The following ARL13B variants were observed in gnomAD, a reference collection of about 807,000 sequenced individuals.
The protein encoded by ARL13B is ADP-ribosylation factor-like protein 13B.
In ARL13B, 36 loss-of-function variants were observed where a neutral mutation model predicts 56.1. The ratio of observed to expected loss-of-function variants is 0.64; its 90% CI spans 0.49 to 0.85. The LOEUF (loss-of-function observed/expected upper bound fraction) is 0.85. Ranked by LOEUF, ARL13B falls within the 40% of genes least tolerant of loss-of-function variation. The probability of loss-of-function intolerance (pLI) is 0.00; values close to 1 mark genes in which losing one functional copy is unlikely to be tolerated. For missense variants in ARL13B, 519 were observed against 507.1 expected, an observed-to-expected ratio of 1.02 and a Z score of -0.23; for synonymous variants, 178 against 171.1, an observed-to-expected ratio of 1.04 and a Z score of -0.32.
At chr3:93,990,363 A>G (rs2075850388) in intron 1 of ARL13B, among the ~76,000 whole-genome samples, 1 of 152,040 alleles carries the variant, frequency 6.6e-6, no homozygotes, top group South Asian at 2.1e-4. Context: ...TCAAATTTTT[A>G]ATTTTTTTTT....
At chr3:94,014,417 A>C in intron 3 of ARL13B, 1 of 1,563,496 alleles carries the variant, frequency 6.4e-7, no homozygotes, top group Non-Finnish European at 8.6e-7. Flanking sequence ...CAGCACCAAC[A>C]ACACAGTACT....
At chr3:94,029,356 T>TTA (rs1559997987) in intron 3 of ARL13B, among the ~76,000 whole-genome samples, 5 of 135,350 alleles carry the variant, frequency 3.7e-5, no homozygotes, top group Admixed American at 7.6e-5. Context: ...TTTATTTTTT[T>TTA]TTTTTTTTGA....
At chr3:94,039,344 C>CA (rs1439753242) in intron 5 of ARL13B, among the ~76,000 whole-genome samples, 4 of 151,728 alleles carry the variant, frequency 2.6e-5, no homozygotes, top group Non-Finnish European at 4.4e-5. Flanking sequence ...ACTAAAAATA[C>CA]AAAAAATTAG....
chr3:94,043,146 A>G lies in ARL13B; in HGVS notation c.930A>G (p.Lys310=). 1 of 1,613,782 alleles carries G rather than the reference A, an allele frequency of 6.2e-7. No homozygotes were observed. Among genetic ancestry groups the G allele is most frequent in the Middle Eastern group, 1.7e-4 (1 of 6,058 alleles). ...TQGQVNHNGQ[K]NNEFGLVENY... ...GCCAGGTTAATCACAATGGCCAAAA[A>G]AATAATGAATTTGGACTAGTAGAAA... The change falls in exon 7 of 10, where the codon AAA becomes AAG. Residue 310 remains lysine, a synonymous_variant. Coordinates refer to ENST00000394222, the MANE Select transcript of ARL13B (RefSeq NM_001174150.2).
intron 1 of ARL13B, among the ~76,000 whole-genome samples, chr3:93,993,419 A>G (rs538278384): frequency 2.6e-5 from 4 of 152,082 alleles, no homozygotes; most frequent in African/African-American, 9.6e-5. Context: ...GAGCCACCAC[A>G]CTTGGCCTGT....
intron 1 of ARL13B, among the ~76,000 whole-genome samples, chr3:93,981,076 A>G (rs1710191290): frequency 6.6e-6 from 1 of 152,236 alleles, no homozygotes; most frequent in South Asian, 2.1e-4. Context: ...TCCAATTTTT[A>G]TACGGTCTCT....
rs1398302173 is a variant in ARL13B at position 94,050,901 on chromosome 3, A to G, written c.1210+9A>G. 1 of 1,612,316 alleles carries G rather than the reference A, an allele frequency of 6.2e-7. No individual in the cohort carries two copies. Among genetic ancestry groups the G allele is most frequent in the South Asian group, 1.1e-5 (1 of 91,052 alleles). The stretch of plus-strand genomic sequence containing the variant: ...TGAAACACATCATAATGGTAATGCA[A>G]AAGGATTGGTTTTCAGATATCATCT... On this transcript the variant is annotated intron_variant, in intron 9 of 9. Coordinates refer to ENST00000394222, the MANE Select transcript of ARL13B (RefSeq NM_001174150.2).
chr3:94,049,605 C>A, intron 8 of ARL13B, 83 bp downstream of exon 8: 2 of 1,007,220 alleles, frequency 2.0e-6, no homozygotes, highest in Middle Eastern at 2.2e-4. Context: ...GGAATCTTGT[C>A]ATTTTTATTC....
chr3:94,036,623 G>A lies in ARL13B; in HGVS notation c.558G>A (p.Leu186=). 1.2e-6 allele frequency: 2 copies of A among 1,614,112 alleles called. No individual in the cohort carries two copies. The highest frequency in any genetic ancestry group is 1.7e-6 in the Non-Finnish European group (2 of 1,180,030). ...DKSIKKGLYW[L]LHVIARDFDA... ...CCATTAAAAAAGGCCTTTATTGGCT[G>A]CTACATGTTATTGCAAGAGACTTTG... is the stretch of plus-strand genomic sequence containing the variant. Residue 186 remains leucine (L), a synonymous_variant, in exon 5 of 10, where the codon CTG becomes CTA. Transcript: ENST00000394222.
chr3:94,027,952 C>T (rs1044421322), intron 3 of ARL13B, among the ~76,000 whole-genome samples: 4 of 151,972 alleles, frequency 2.6e-5, no homozygotes, highest in East Asian at 1.9e-4. Context: ...TAAGGTTATA[C>T]GTATGTGTCA....
intron 9 of ARL13B, among the ~76,000 whole-genome samples, chr3:94,052,770 G>A (rs1036055252): frequency 6.6e-6 from 1 of 152,044 alleles, no homozygotes. Flanking sequence ...AACATTTTTT[G>A]TTGCAATGTA....
At chr3:94,000,919 G>A (rs1375641173) in intron 2 of ARL13B, among the ~76,000 whole-genome samples, 1 of 151,944 alleles carries the variant, frequency 6.6e-6, no homozygotes, top group Non-Finnish European at 1.5e-5. Context: ...ACATGTACGA[G>A]GATAGATGGA....
Position 94,050,905 on chromosome 3 carries a change from G to T in ARL13B, c.1210+13G>T, listed in dbSNP as rs1349967315. 6.2e-7 allele frequency: 1 copy of T among 1,611,548 alleles called. No homozygotes were observed. The highest frequency in any genetic ancestry group is 1.7e-5 in the Admixed American group (1 of 59,976). On this transcript the variant is annotated intron_variant, in intron 9 of 9. Transcript: ENST00000394222. ...ACACATCATAATGGTAATGCAAAAG[G>T]ATTGGTTTTCAGATATCATCTGTAC... is the stretch of plus-strand genomic sequence containing the variant.
intron 3 of ARL13B, among the ~76,000 whole-genome samples, chr3:94,032,566 G>A (rs1047764950): frequency 4.0e-5 from 6 of 151,820 alleles, no homozygotes; most frequent in African/African-American, 1.2e-4. Flanking sequence ...GCGCGATCTC[G>A]GCTCACTGCA....
intron 1 of ARL13B, among the ~76,000 whole-genome samples, chr3:93,991,495 C>T (rs1160742425): frequency 6.6e-6 from 1 of 152,172 alleles, no homozygotes; most frequent in Non-Finnish European, 1.5e-5. Flanking sequence ...CCACCTCAGC[C>T]TTCCGAGTAG....
chr3:94,037,446 T>C (rs2076788866), intron 5 of ARL13B, among the ~76,000 whole-genome samples: 1 of 152,164 alleles, frequency 6.6e-6, no homozygotes, highest in African/African-American at 2.4e-5. Context: ...ATAACTGGTA[T>C]TTTTCATTTA....
chr3:93,994,292 C>T (rs1337825854), intron 1 of ARL13B, among the ~76,000 whole-genome samples: 6 of 152,000 alleles, frequency 3.9e-5, no homozygotes, highest in Non-Finnish European at 8.8e-5. Flanking sequence ...TCTCTTGCCC[C>T]GAATATATGC....
intron 3 of ARL13B, among the ~76,000 whole-genome samples, chr3:94,008,251 G>A (rs1221690115): frequency 6.6e-6 from 1 of 152,026 alleles, no homozygotes; most frequent in Non-Finnish European, 1.5e-5. Flanking sequence ...ATTAACTTTA[G>A]CCTGTACTGT....
Position 94,035,383 on chromosome 3 carries a change from G to A in ARL13B, c.433G>A (p.Glu145Lys). 6.2e-7 allele frequency: 1 copy of A among 1,608,352 alleles called. No homozygotes were observed. The highest frequency in any genetic ancestry group is 8.5e-7 in the Non-Finnish European group (1 of 1,178,530). ...EGALGEADVI[E>K]CLSLEKLVNE... ...AGCTTTAGGAGAAGCTGATGTCATT[G>A]AATGTCTATCTCTGGAAAAATTGGT... The change falls in exon 4 of 10, where the codon GAA becomes AAA. Residue 145 changes from glutamate to lysine, a missense_variant. By Grantham distance (56) the Glu-to-Lys change is moderately conservative (BLOSUM62 1). Coordinates refer to ENST00000394222, the MANE Select transcript of ARL13B (RefSeq NM_001174150.2).
Sources: gnomAD v4.1 joint callset for allele counts (sites outside exome capture counted in the v4.1 genomes callset) on GRCh38, gnomAD v4.1.1 for gene constraint, MANE v1.5 for transcripts, NCBI Gene and HGNC (gene_info 2026-07-23, HGNC 2026-07-21) for gene names.